ZNF737: variants seen among roughly 807,000 people sequenced by gnomAD.
ZNF737 encodes zinc finger protein 102 (Y3).
ZNF737 carries 13 observed loss-of-function variants against 11.7 expected under a neutral mutation model. The ratio of observed to expected loss-of-function variants is 1.11; its 90% CI spans 0.73 to 1.77. The LOEUF (loss-of-function observed/expected upper bound fraction) is 1.77, where lower values mean the gene tolerates loss of function less well. Among genes scored for constraint, ZNF737 ranks in the 40% most tolerant of loss-of-function variants. The pLI is 0.00. For synonymous variants in ZNF737, 217 were observed against 216.2 expected (o/e 1.00, Z -0.03); for missense variants, 636 against 638.0 (o/e 1.00, Z 0.03).
At chr19:20,549,542 C>A (rs1378282053) in intron 3 of ZNF737, among the ~76,000 whole-genome samples, 1 of 151,894 alleles carries the variant, frequency 6.6e-6, no homozygotes, top group Non-Finnish European at 1.5e-5. Context: ...GCAGAAGAAT[C>A]ACTTGAACCT....
At chr19:20,553,882 G>A (rs1375620577) in intron 1 of ZNF737, 47 bp from the exon 2 acceptor site, 1 of 1,590,522 alleles carries the variant, frequency 6.3e-7, no homozygotes, top group African/African-American at 1.4e-5. Context: ...GCCAAGGGTG[G>A]AATTTTTAAT....
At chr19:20,565,231 G>A (rs555150630) in intron 1 of ZNF737, among the ~76,000 whole-genome samples, 1 of 152,246 alleles carries the variant, frequency 6.6e-6, no homozygotes, top group East Asian at 1.9e-4. Flanking sequence ...GACTGCGCCC[G>A]GCCCCATAAA....
intron 1 of ZNF737, among the ~76,000 whole-genome samples, chr19:20,561,009 A>G (rs1406657266): frequency 6.6e-5 from 10 of 151,998 alleles, no homozygotes; most frequent in African/African-American, 2.4e-4. Flanking sequence ...TGCACGCAAA[A>G]CCCCCATGCA....
Position 20,542,468 on chromosome 19 carries a change from G to A in ZNF737, c.*2124C>T. 1 of 733,034 alleles carries A rather than the reference G, an allele frequency of 1.4e-6. No individual in the cohort carries two copies. The highest frequency in any genetic ancestry group is 1.7e-6 in the Non-Finnish European group (1 of 599,792). 45.4% of individuals were successfully genotyped at this position (733,034 alleles called of 1,614,324 possible). A position where few individuals can be genotyped will look rare whatever the true frequency, so the allele number is the denominator to read the frequency against. ...GCTGGTCTCGAACTCCTGACCTCAG[G>A]TGATCTGCCCACCTTGGCCTCCCAA... is the stretch of plus-strand genomic sequence containing the variant. On this transcript the variant is annotated 3_prime_UTR_variant, in exon 4 of 4. Coordinates refer to ENST00000427401, the MANE Select transcript of ZNF737 (RefSeq NM_001159293.2).
intron 1 of ZNF737, among the ~76,000 whole-genome samples, chr19:20,563,710 T>A (rs1396825951): frequency 5.9e-5 from 9 of 151,998 alleles, no homozygotes. Flanking sequence ...GGTCTCAAAC[T>A]CCTGACCTCA....
downstream of ZNF737, among the ~76,000 whole-genome samples, chr19:20,531,071 T>C (rs1298720903): frequency 6.9e-6 from 1 of 145,884 alleles, no homozygotes; most frequent in Non-Finnish European, 1.5e-5. Context: ...ACCAAAAAAA[T>C]ACGAAAACCA....
Position 20,545,629 on chromosome 19 carries a change from T to C in ZNF737, c.574A>G (p.Lys192Glu), listed in dbSNP as rs1968424448. Residue 192 changes from lysine (K) to glutamate (E), a missense_variant, in exon 4 of 4, where the codon AAG (lysine) becomes GAG (glutamate). Transcript: ENST00000427401. ...FNQSSTLTTHKKIHTGEKPFK... is the reference protein window; with the variant it reads ...FNQSSTLTTHEKIHTGEKPFK... ...GGTTTCTCCCCAGTATGAATTTTCTTATGTGTAGTAAGGGTTGAAGACTGG... is the reference window on the plus strand; with the variant it reads ...GGTTTCTCCCCAGTATGAATTTTCTCATGTGTAGTAAGGGTTGAAGACTGG... The C allele has an allele frequency of 6.2e-7, 1 of 1,613,938 alleles. No homozygotes were observed. Among genetic ancestry groups the C allele is most frequent in the Admixed American group, 1.7e-5 (1 of 59,978 alleles).
Position 20,538,755 on chromosome 19 carries a change from C to A in ZNF737, c.*5837G>T, listed in dbSNP as rs142491037. 4.3e-4 allele frequency: 419 copies of A among 985,302 alleles called. 7 individuals carry two copies. The East Asian group carries it at 0.035, about 82-fold the overall frequency. 61.0% of individuals were successfully genotyped at this position (985,302 alleles called of 1,614,324 possible). A position where few individuals can be genotyped will look rare whatever the true frequency, so the allele number is the denominator to read the frequency against. ...GCACATCAATGCTTTCCACATGCACCCAATAGAGTCTTAATTTAATTGGGC... is the reference window on the plus strand; with the variant it reads ...GCACATCAATGCTTTCCACATGCACACAATAGAGTCTTAATTTAATTGGGC... On this transcript the variant is annotated 3_prime_UTR_variant, in exon 4 of 4. Coordinates refer to ENST00000427401, the MANE Select transcript of ZNF737 (RefSeq NM_001159293.2).
chr19:20,547,401 AC>A (rs1968496417), intron 3 of ZNF737, among the ~76,000 whole-genome samples: 4 of 141,186 alleles, frequency 2.8e-5, no homozygotes, highest in Non-Finnish European at 6.2e-5. Flanking sequence ...AAAAAAAAAA[AC>A]ACCACCTACA....
intron 1 of ZNF737, among the ~76,000 whole-genome samples, chr19:20,561,004 G>A (rs1303243654): frequency 3.3e-5 from 5 of 152,020 alleles, no homozygotes; most frequent in African/African-American, 7.2e-5. Flanking sequence ...TAATCTGCAC[G>A]CAAAACCCCC....
intron 1 of ZNF737, among the ~76,000 whole-genome samples, chr19:20,558,172 T>A (rs891145147): frequency 2.0e-5 from 3 of 151,580 alleles, no homozygotes; most frequent in African/African-American, 7.3e-5. Context: ...TAATCCCAGC[T>A]ACTCAGGAGC....
intron 1 of ZNF737, among the ~76,000 whole-genome samples, chr19:20,556,806 T>TAA (rs1555761275): frequency 6.6e-6 from 1 of 152,254 alleles, no homozygotes; most frequent in Non-Finnish European, 1.5e-5. Flanking sequence ...ACACATGTAC[T>TAA]AATGCACTGT....
chr19:20,559,242 C>T (rs1968995730), intron 1 of ZNF737, among the ~76,000 whole-genome samples: 1 of 152,130 alleles, frequency 6.6e-6, no homozygotes, highest in Admixed American at 6.5e-5. Context: ...AGGAAAAAGA[C>T]AACCTACAGA....
At chr19:20,561,332 C>T (rs1445619591) in intron 1 of ZNF737, among the ~76,000 whole-genome samples, 2 of 152,018 alleles carry the variant, frequency 1.3e-5, no homozygotes, top group African/African-American at 4.8e-5. Context: ...TCAAAAACGC[C>T]GTGGTGAAGG....
chr19:20,565,631 C>G lies in ZNF737; in HGVS notation c.3+7G>C. 1 of 1,614,212 alleles carries G rather than the reference C, an allele frequency of 6.2e-7. No homozygotes were observed. The highest frequency in any genetic ancestry group is 8.5e-7 in the Non-Finnish European group (1 of 1,180,042). On this transcript the variant is annotated splice_region_variant and intron_variant, in intron 1 of 3. Coordinates refer to ENST00000427401, the MANE Select transcript of ZNF737 (RefSeq NM_001159293.2). ...CCTCTCTCGGGATGTCGGACCGGCA[C>G]TCTCACCATTTCTAGGCTTCCAGGG...
In ZNF737 at chr19:20,544,460, C is replaced by T. The variant is rs1555755843; in HGVS notation, c.*132G>A. Reference sequence around the variant, plus strand: ...CTTTCCCGCATGAATTATCTAATGTCTACTAAGGTTTGAGGATGAAATAAA... The same window carrying T: ...CTTTCCCGCATGAATTATCTAATGTTTACTAAGGTTTGAGGATGAAATAAA... On this transcript the variant is annotated 3_prime_UTR_variant, in exon 4 of 4. Transcript: ENST00000427401. The T allele has an allele frequency of 6.7e-7, 1 of 1,501,676 alleles. No individual in the cohort carries two copies. The highest frequency in any genetic ancestry group is 1.4e-5 in the African/African-American group (1 of 71,146). The allele number at this position is 1,501,676 out of a possible 1,614,324, so 93.0% of individuals were successfully genotyped here. A position where few individuals can be genotyped will look rare whatever the true frequency, so the allele number is the denominator to read the frequency against.
At chr19:20,551,287 G>C (rs916253549) in intron 3 of ZNF737, 3 of 151,934 alleles carry the variant, frequency 2.0e-5, no homozygotes, top group Non-Finnish European at 4.4e-5. Flanking sequence ...AAATTAGCTA[G>C]GTGTTGTGGT....
rs1393415950 is a variant in ZNF737, at chr19:20,542,614, TTAATTA to T, written c.*1972_*1977del. 1.0e-6 allele frequency: 1 copy of T among 972,406 alleles called. No individual in the cohort carries two copies. Among genetic ancestry groups the T allele is most frequent in the Non-Finnish European group, 1.2e-6 (1 of 818,254 alleles). The allele number at this position is 972,406 out of a possible 1,614,324, so 60.2% of individuals were successfully genotyped here. ...TATACTCATTTATTTTAATATACTT[TTAATTA>T]TTTCTTTGTGTCACTATAATAAAGT... On this transcript the variant is annotated 3_prime_UTR_variant, in exon 4 of 4. Coordinates refer to ENST00000427401, the MANE Select transcript of ZNF737 (RefSeq NM_001159293.2).
rs782011387 is a variant in ZNF737 at position 20,544,969 on chromosome 19, G to C, written c.1234C>G (p.Leu412Val). 6.2e-7 allele frequency: 1 copy of C among 1,613,258 alleles called. No homozygotes were observed. Among genetic ancestry groups the C allele is most frequent in the East Asian group, 2.2e-5 (1 of 44,830 alleles). The change falls in exon 4 of 4, where the codon CTT becomes GTT. Residue 412 changes from leucine to valine, a missense_variant. Transcript: ENST00000427401. ...GTATGGATTATCTTATGTGTAGTAA[G>C]GGAAGAGGAGTACTTAAAGGCTTCG... ...CGEAFKYSSS[L>V]TTHKIIHTGQ...
Sources: allele counts gnomAD v4.1 joint callset (sites outside exome capture counted in the v4.1 genomes callset), GRCh38; gene constraint gnomAD v4.1.1; transcripts MANE v1.5; gene names NCBI Gene and HGNC (gene_info 2026-07-23, HGNC 2026-07-21).